TYW1B: variants seen among roughly 807,000 people sequenced by gnomAD.
TYW1B encodes S-adenosyl-L-methionine-dependent tRNA 4-demethylwyosine synthase TYW1B.
TYW1B carries 73 observed loss-of-function variants against 86.9 expected under a neutral mutation model. The ratio of observed to expected loss-of-function variants is 0.84; its 90% CI spans 0.70 to 1.02. The LOEUF is 1.02. Ranked by LOEUF, TYW1B falls within the 50% of genes least tolerant of loss-of-function variation. The pLI is 0.00. For missense variants in TYW1B, 637 were observed against 827.4 expected, an observed-to-expected ratio of 0.77 and a Z score of 2.82; for synonymous variants, 248 against 292.8, an observed-to-expected ratio of 0.85 and a Z score of 1.56.
At chr7:72,702,825 T>A (rs1554452811) in intron 10 of TYW1B, among the ~76,000 whole-genome samples, 1 of 152,038 alleles carries the variant, frequency 6.6e-6, no homozygotes, top group Non-Finnish European at 1.5e-5. Flanking sequence ...CTTTGGTTAA[T>A]TTCCACAGGT....
intron 6 of TYW1B, among the ~76,000 whole-genome samples, chr7:72,798,039 G>GCC (rs1788338402): frequency 7.0e-6 from 1 of 142,624 alleles, no homozygotes; most frequent in Non-Finnish European, 1.5e-5. Flanking sequence ...ACACACACAC[G>GCC]CACACACATA....
rs548257116 is a variant in TYW1B, at chr7:72,796,851, T to G, written c.846+5549A>C. 3.2e-4 allele frequency among the ~76,000 whole-genome samples: 48 copies of G among 149,646 alleles called. No individual in the cohort carries two copies. The South Asian group carries it at 9.6e-3, about 30-fold the overall frequency. ...ACAATAAAGAATATATCTGGGCCAG[T>G]CATGGTACAATGGTGCAATCTCGGC... On this transcript the variant is annotated intron_variant, in intron 6 of 13. Transcript: ENST00000620995.
chr7:72,575,498 T>C lies in TYW1B; in HGVS notation c.2007A>G (p.Ter669TrpextTer8), dbSNP rs577012705. ...TTCAGTACCTTGAAATCAGATAATC[T>C]CAACATCCAGAAATAGCCTTTGATT... ...KNKSKAISGC[*>W] The change falls in exon 14 of 14, where the codon TGA becomes TGG. Residue 669 changes from the stop codon to tryptophan (W), a stop_lost. Transcript: ENST00000620995. The C allele has an allele frequency of 1.4e-4, 231 of 1,603,714 alleles. 6 individuals carry two copies. In the South Asian group the frequency reaches 2.6e-3, roughly 18 times the overall value.
intron 11 of TYW1B, among the ~76,000 whole-genome samples, chr7:72,676,676 T>C (rs1382282575): frequency 3.3e-5 from 5 of 152,126 alleles, no homozygotes; most frequent in Admixed American, 6.5e-5. Flanking sequence ...AAAAAAACTT[T>C]TGGCTGGACG....
chr7:72,682,696 A>G (rs1393993437), intron 11 of TYW1B, among the ~76,000 whole-genome samples: 4 of 152,224 alleles, frequency 2.6e-5, no homozygotes, highest in Admixed American at 2.0e-4. Context: ...GATCCATCAG[A>G]GAAGTGAGGT....
chr7:72,708,854 T>C (rs1269057597), intron 10 of TYW1B, among the ~76,000 whole-genome samples: 1 of 152,232 alleles, frequency 6.6e-6, no homozygotes, highest in Non-Finnish European at 1.5e-5. Flanking sequence ...GTTGCACTAC[T>C]CTATAGCCCA....
At chr7:72,625,313 C>T (rs1246740452) in intron 12 of TYW1B, among the ~76,000 whole-genome samples, 2 of 152,054 alleles carry the variant, frequency 1.3e-5, no homozygotes, top group Non-Finnish European at 2.9e-5. Context: ...AAAGAAAACT[C>T]TGTTGTTAAT....
At chr7:72,719,743 A>C (rs1786861634) in intron 9 of TYW1B, among the ~76,000 whole-genome samples, 1 of 152,066 alleles carries the variant, frequency 6.6e-6, no homozygotes, top group Admixed American at 6.6e-5. Context: ...CTGACCTGTC[A>C]ATCAGGCTGG....
Position 72,810,798 on chromosome 7 carries a change from A to T in TYW1B, c.238-133T>A. 10 of 1,281,418 alleles carry T rather than the reference A, an allele frequency of 7.8e-6. No individual in the cohort carries two copies. The South Asian group carries it at 1.6e-4, about 20-fold the overall frequency. The allele number at this position is 1,281,418 out of a possible 1,614,324, so 79.4% of individuals were successfully genotyped here. ...TTCATAAACATGGCTCATTTTCGAA[A>T]GTGAAGGGCCTGACTAAGAAACACA... On this transcript the variant is annotated intron_variant, in intron 3 of 13. Transcript: ENST00000620995.
At chr7:72,660,960 C>A (rs1563049858) in intron 11 of TYW1B, among the ~76,000 whole-genome samples, 1 of 150,784 alleles carries the variant, frequency 6.6e-6, no homozygotes, top group Non-Finnish European at 1.5e-5. Context: ...AACATGAAAC[C>A]TCATCTCTAC....
intron 11 of TYW1B, among the ~76,000 whole-genome samples, chr7:72,634,116 T>A (rs1329895871): frequency 3.3e-5 from 5 of 152,070 alleles, no homozygotes; most frequent in Non-Finnish European, 2.9e-5. Context: ...ACTTTGGGTT[T>A]CTTAGAAAAT....
At chr7:72,631,110 A>G (rs1160781469) in intron 11 of TYW1B, among the ~76,000 whole-genome samples, 4 of 152,144 alleles carry the variant, frequency 2.6e-5, no homozygotes, top group African/African-American at 9.7e-5. Flanking sequence ...AGAATGAGCA[A>G]ATCAAACGCC....
intron 11 of TYW1B, among the ~76,000 whole-genome samples, chr7:72,682,170 A>G (rs113321205): frequency 0.94 from 142,160 of 152,038 alleles, 66,569 homozygotes; most frequent in African/African-American, 0.98. Context: ...GAGCCACCAC[A>G]CATAGCCTAT....
chr7:72,671,995 C>A (rs1165700935), intron 11 of TYW1B, among the ~76,000 whole-genome samples: 4 of 100,308 alleles, frequency 4.0e-5, no homozygotes, highest in Non-Finnish European at 8.5e-5. Context: ...GGTCCCCACC[C>A]AAATCTCATC....
intron 10 of TYW1B, among the ~76,000 whole-genome samples, chr7:72,700,155 CTTTTTTTTTTTTTTTTTTT>C (rs587689485): frequency 5.5e-4 from 41 of 74,252 alleles, no homozygotes; most frequent in African/African-American, 9.8e-4. Context: ...AGCTTTTACA[CTTTTTTTTTTTTTTTTTTT>C]TTTTTTTTTT....
chr7:72,811,663 G>A (rs1374210513), intron 3 of TYW1B, among the ~76,000 whole-genome samples: 10 of 151,938 alleles, frequency 6.6e-5, no homozygotes, highest in African/African-American at 2.2e-4. Flanking sequence ...TGTAATCCCA[G>A]GACTTTGGGA....
chr7:72,613,040 T>C (rs1178798582), intron 13 of TYW1B, among the ~76,000 whole-genome samples: 2 of 152,132 alleles, frequency 1.3e-5, no homozygotes, highest in African/African-American at 4.8e-5. Context: ...TGTAAGCCAC[T>C]GCACCTCACC....
At chr7:72,673,105 C>T (rs1466319037) in intron 11 of TYW1B, among the ~76,000 whole-genome samples, 2 of 152,116 alleles carry the variant, frequency 1.3e-5, no homozygotes, top group African/African-American at 4.8e-5. Context: ...GAGGTGGAGG[C>T]TGCAGTGAGC....
chr7:72,694,308 A>G (rs1174716219), intron 11 of TYW1B, among the ~76,000 whole-genome samples: 2 of 152,160 alleles, frequency 1.3e-5, no homozygotes, highest in Non-Finnish European at 2.9e-5. Flanking sequence ...GGATTTTGGT[A>G]CCCATGGGGA....
Sources: allele counts gnomAD v4.1 joint callset (sites outside exome capture counted in the v4.1 genomes callset), GRCh38; gene constraint gnomAD v4.1.1; transcripts MANE v1.5; gene names NCBI Gene and HGNC (gene_info 2026-07-23, HGNC 2026-07-21).